The following TRIP12 variants were observed in gnomAD, a reference collection of about 807,000 sequenced individuals.
TRIP12 encodes the protein thyroid hormone receptor interactor 12.
A neutral mutation model predicts 244.2 loss-of-function variants in TRIP12; 25 were observed. The observed-to-expected ratio is 0.10, with a 90% CI of 0.07 to 0.14. TRIP12 has a LOEUF of 0.14. Among genes scored for constraint, TRIP12 ranks in the 10% least tolerant of loss-of-function variants. The pLI is 1.00. For missense variants in TRIP12, 1,677 were observed against 2,486.4 expected (o/e 0.67, Z 6.92); for synonymous variants, 905 against 873.1 (o/e 1.04, Z -0.64).
intron 5 of TRIP12, among the ~76,000 whole-genome samples, chr2:229,837,659 T>C (rs1417834418): frequency 6.6e-6 from 1 of 151,904 alleles, no homozygotes; most frequent in East Asian, 1.9e-4. Flanking sequence ...AGATTAACAT[T>C]GAGAATGCGA....
Position 229,791,241 on chromosome 2 carries a change from C to A in TRIP12, c.4426G>T (p.Val1476Leu). 6.2e-7 allele frequency: 1 copy of A among 1,614,064 alleles called. No homozygotes were observed. Among genetic ancestry groups the A allele is most frequent in the Non-Finnish European group, 8.5e-7 (1 of 1,179,956 alleles). The change falls in exon 30 of 42, where the codon GTG (valine) becomes TTG (leucine). Residue 1476 changes from valine (V) to leucine (L), a missense_variant. Physicochemically the swap from Val to Leu is conservative, Grantham distance 32. Coordinates refer to ENST00000675903, the MANE Select transcript of TRIP12 (RefSeq NM_001348323.3). Reference protein sequence around the residue: ...TKTHTIWYKPVREDEESNKDC... With the variant: ...TKTHTIWYKPLREDEESNKDC... ...TTATTACTTTCTTCATCCTCTCTCA[C>A]AGGTTTATACCTAAAATGACAAGAC...
chr2:229,884,329 T>G (rs1355806293), intron 1 of TRIP12, among the ~76,000 whole-genome samples: 2 of 146,228 alleles, frequency 1.4e-5, no homozygotes, highest in Non-Finnish European at 3.0e-5. Context: ...CTCCACCTCC[T>G]GGGCTCAAGC....
intron 34 of TRIP12, among the ~76,000 whole-genome samples, chr2:229,779,575 C>T (rs955798546): frequency 3.9e-5 from 6 of 152,086 alleles, no homozygotes; most frequent in African/African-American, 1.2e-4. Flanking sequence ...AGAGATATGT[C>T]GAATAAAATA....
At chr2:229,825,343 T>C (rs1425808913) in intron 8 of TRIP12, among the ~76,000 whole-genome samples, 3 of 152,212 alleles carry the variant, frequency 2.0e-5, no homozygotes, top group Non-Finnish European at 2.9e-5. Context: ...GAAATGAATA[T>C]GCCAGACTGT....
At chr2:229,855,622 AAAGAG>A (rs1379435800) in intron 4 of TRIP12, among the ~76,000 whole-genome samples, 3 of 131,406 alleles carry the variant, frequency 2.3e-5, no homozygotes, top group East Asian at 4.6e-4. Context: ...AAAAAAAAAA[AAAGAG>A]AAAAGAAAAT....
intron 4 of TRIP12, among the ~76,000 whole-genome samples, chr2:229,851,110 CG>C (rs1270328817): frequency 1.3e-5 from 2 of 152,204 alleles, no homozygotes; most frequent in African/African-American, 2.4e-5. Flanking sequence ...GAGCACATGG[CG>C]CGGGACCGGC....
intron 1 of TRIP12, among the ~76,000 whole-genome samples, chr2:229,884,305 C>T (rs1295145986): frequency 2.1e-5 from 3 of 140,602 alleles, no homozygotes; most frequent in Non-Finnish European, 4.5e-5. Context: ...GGCACGATCT[C>T]GGCTCACTGT....
intron 8 of TRIP12, among the ~76,000 whole-genome samples, chr2:229,822,383 A>G (rs2050303271): frequency 6.6e-6 from 1 of 152,210 alleles, no homozygotes; most frequent in Non-Finnish European, 1.5e-5. Flanking sequence ...CTGCTCAACT[A>G]TTCAAATCTG....
At chr2:229,815,249 T>TA (rs751106654) in intron 10 of TRIP12, 24 bp downstream of exon 10, 95 of 1,533,550 alleles carry the variant, frequency 6.2e-5, no homozygotes, top group Non-Finnish European at 1.9e-5. Context: ...TATACACCAT[T>TA]AAAAAAATAC....
rs147304078 is a variant in TRIP12, at chr2:229,905,681, T to C, written c.-50+16199A>G. On this transcript the variant is annotated intron_variant, in intron 1 of 41. Coordinates refer to ENST00000675903, the MANE Select transcript of TRIP12 (RefSeq NM_001348323.3). ...AGCCACATAATGCAAGCCTTTACCC[T>C]GAACTTAAGGTACACAAGTCTAGAA... Among the ~76,000 whole-genome samples, 448 of 152,338 alleles carry C rather than the reference T, an allele frequency of 2.9e-3. 2 individuals are homozygous for C. Among genetic ancestry groups the C allele is most frequent in the African/African-American group, 0.01 (428 of 41,576 alleles).
intron 1 of TRIP12, among the ~76,000 whole-genome samples, chr2:229,894,016 T>C (rs555631770): frequency 1.3e-5 from 2 of 152,138 alleles, no homozygotes; most frequent in Admixed American, 1.3e-4. Flanking sequence ...AGTGGCCAGA[T>C]TGGTGCTGCA....
intron 4 of TRIP12, among the ~76,000 whole-genome samples, chr2:229,852,987 T>G (rs923126487): frequency 1.3e-5 from 2 of 152,234 alleles, no homozygotes; most frequent in African/African-American, 2.4e-5. Flanking sequence ...TATTCCTGCT[T>G]ATCTAGAATC....
Position 229,807,863 on chromosome 2 carries a change from C to T in TRIP12, c.2341G>A (p.Glu781Lys). ...ELYELTSLICELMPCLPKEGI... is the reference protein window; with the variant it reads ...ELYELTSLICKLMPCLPKEGI... ...TCTTTTGGTAAACATGGCATAAGTT[C>T]ACTGAAAACAAAAAGTACAATAATT... Residue 781 changes from glutamate (E) to lysine (K), a missense_variant and splice_region_variant, in exon 17 of 42, where the codon GAA becomes AAA. By Grantham distance (56) the Glu-to-Lys change is moderately conservative. Around this residue, in one of 11 missense-constraint regions of TRIP12, gnomAD observed 572 missense variants for 867.8 expected, o/e 0.66. Coordinates refer to ENST00000675903, the MANE Select transcript of TRIP12 (RefSeq NM_001348323.3). The T allele has an allele frequency of 6.2e-7, 1 of 1,610,614 alleles. No homozygotes were observed.
chr2:229,801,672 T>A (rs574585754), intron 21 of TRIP12, among the ~76,000 whole-genome samples: 5 of 152,346 alleles, frequency 3.3e-5, no homozygotes, highest in African/African-American at 1.2e-4. Flanking sequence ...TTGGAAACAT[T>A]CTTAGTAGCA....
At chr2:229,812,843 T>C (rs1386371987) in intron 13 of TRIP12, among the ~76,000 whole-genome samples, 1 of 152,198 alleles carries the variant, frequency 6.6e-6, no homozygotes, top group African/African-American at 2.4e-5. Context: ...TCCTAAATTG[T>C]TTAAAAATAT....
chr2:229,818,228 C>T, intron 9 of TRIP12, 136 bp downstream of exon 9: 1 of 930,120 alleles, frequency 1.1e-6, no homozygotes, highest in Non-Finnish European at 1.6e-6. Context: ...GAAATACAAG[C>T]ACCAAGTCAT....
intron 2 of TRIP12, among the ~76,000 whole-genome samples, chr2:229,875,162 A>G (rs1353718606): frequency 6.6e-6 from 1 of 152,220 alleles, no homozygotes; most frequent in African/African-American, 2.4e-5. Flanking sequence ...ATAATAGAAG[A>G]GGAATAAGAT....
At position 229,804,246 on chromosome 2, in the gene TRIP12, A is replaced by AG. The variant is rs1559515647; in HGVS notation, c.2651-20_2651-19insC. On this transcript the variant is annotated intron_variant, in intron 18 of 41. Transcript: ENST00000675903. The stretch of plus-strand genomic sequence containing the variant: ...TATCCACCTATTACATTAAAAAAAA[A>AG]TATATGTGCAATCCTGAAGTGACAG... 1 of 1,574,696 alleles carries AG rather than the reference A, an allele frequency of 6.4e-7. No homozygotes were observed. Among genetic ancestry groups the AG allele is most frequent in the South Asian group, 1.1e-5 (1 of 87,698 alleles).
At chr2:229,773,503 C>G (rs931632972) in intron 38 of TRIP12, 1 of 152,394 alleles carries the variant, frequency 6.6e-6, no homozygotes. Flanking sequence ...CCACCCTAGC[C>G]TCCCAAGTGG....
Sources: gnomAD v4.1 joint callset for allele counts (sites outside exome capture counted in the v4.1 genomes callset) on GRCh38, gnomAD v4.1.1 for gene constraint, gnomAD v4.1.1 regional missense constraint, MANE v1.5 for transcripts, NCBI Gene and HGNC (gene_info 2026-07-23, HGNC 2026-07-21) for gene names.